Variants in ARNT2 observed in about 807,000 individuals in gnomAD.
The protein encoded by ARNT2 is ARNT protein 2.
In ARNT2, 36 loss-of-function variants were observed where a neutral mutation model predicts 91.7. That is an observed-to-expected ratio of 0.39 (90% CI 0.30 to 0.52). The LOEUF is 0.52. ARNT2 is among the 20% of genes least tolerant of loss of function. ARNT2 has a pLI of 0.72. For missense variants in ARNT2, 775 were observed against 939.3 expected (o/e 0.83, Z 2.29); for synonymous variants, 365 against 347.1 (o/e 1.05, Z -0.57).
At chr15:80,512,523 A>G (rs923200088) in intron 6 of ARNT2, among the ~76,000 whole-genome samples, 13 of 152,240 alleles carry the variant, frequency 8.5e-5, no homozygotes, top group African/African-American at 3.1e-4. Context: ...CAAGCTGGGC[A>G]GTGGGATCCA....
chr15:80,590,512 G>C (rs1160462880), intron 17 of ARNT2, among the ~76,000 whole-genome samples: 1 of 152,226 alleles, frequency 6.6e-6, no homozygotes, highest in Non-Finnish European at 1.5e-5. Context: ...CCAGAGCAGG[G>C]GGACTGCATG....
intron 2 of ARNT2, among the ~76,000 whole-genome samples, chr15:80,456,204 TG>T (rs1595970786): frequency 2.0e-5 from 3 of 152,210 alleles, no homozygotes; most frequent in Admixed American, 2.0e-4. Context: ...GCCCGGTGCC[TG>T]GTTTCCCAAA....
intron 8 of ARNT2, among the ~76,000 whole-genome samples, chr15:80,530,432 C>T (rs1359000407): frequency 6.6e-6 from 1 of 152,174 alleles, no homozygotes; most frequent in African/African-American, 2.4e-5. Context: ...CTGTGCTGAT[C>T]TCAGCCATGG....
chr15:80,515,254 A>T (rs1354938284), intron 8 of ARNT2, among the ~76,000 whole-genome samples: 1 of 152,216 alleles, frequency 6.6e-6, no homozygotes, highest in Non-Finnish European at 1.5e-5. Context: ...AGCAATTTTC[A>T]CTCCTAAATA....
rs1596030027 is a variant in ARNT2, at chr15:80,593,886, A to T, written c.*188A>T. The T allele has an allele frequency of 1.7e-6, 1 of 587,744 alleles. No homozygotes were observed. Among genetic ancestry groups the T allele is most frequent in the African/African-American group, 1.9e-5 (1 of 53,708 alleles). The allele number at this position is 587,744 out of a possible 1,614,324, so 36.4% of individuals were successfully genotyped here. On this transcript the variant is annotated 3_prime_UTR_variant, in exon 19 of 19. Transcript: ENST00000303329. The stretch of plus-strand genomic sequence containing the variant: ...CCCCTGCAGCCGCGGCTGCTCGGCC[A>T]CTGACCAGGGGCCCTGGCAGACATT...
chr15:80,522,830 A>ATATG (rs1897575123), intron 8 of ARNT2, among the ~76,000 whole-genome samples: 1 of 149,336 alleles, frequency 6.7e-6, no homozygotes, highest in Non-Finnish European at 1.5e-5. Flanking sequence ...GTATATATAT[A>ATATG]TATATACACA....
chr15:80,439,496 T>C (rs1045091983), intron 1 of ARNT2, among the ~76,000 whole-genome samples: 3 of 152,352 alleles, frequency 2.0e-5, no homozygotes, highest in South Asian at 2.1e-4. Context: ...TATGTTTGCA[T>C]ATATGATTCT....
chr15:80,555,383 C>G, intron 11 of ARNT2: 1 of 476,198 alleles, frequency 2.1e-6, no homozygotes, highest in Non-Finnish European at 3.8e-6. Context: ...TTGCAGAGCA[C>G]AGAGGCTGGA....
At chr15:80,493,147 G>T (rs1190121207) in intron 5 of ARNT2, among the ~76,000 whole-genome samples, 1 of 152,196 alleles carries the variant, frequency 6.6e-6, no homozygotes, top group African/African-American at 2.4e-5. Context: ...GAGACAGAGA[G>T]CGGAAAGCAA....
intron 1 of ARNT2, among the ~76,000 whole-genome samples, chr15:80,430,204 G>T (rs994061688): frequency 6.6e-6 from 1 of 152,042 alleles, no homozygotes; most frequent in Non-Finnish European, 1.5e-5. Flanking sequence ...CCTGGGCCAC[G>T]CTCTGTGCTG....
Position 80,586,738 on chromosome 15 carries a change from C to T in ARNT2, c.1919-4830C>T, listed in dbSNP as rs115150713. ...AAAATTAGCCGGGCATGGTGGTGCGCGCTGAGGCAGGAGAATTGCTTGAAC... is the reference window on the plus strand; with the variant it reads ...AAAATTAGCCGGGCATGGTGGTGCGTGCTGAGGCAGGAGAATTGCTTGAAC... On this transcript the variant is annotated intron_variant, in intron 17 of 18. Transcript: ENST00000303329. Among the ~76,000 whole-genome samples, 323 of 150,882 alleles carry T rather than the reference C, an allele frequency of 2.1e-3. 2 individuals are homozygous for T. Among genetic ancestry groups the T allele is most frequent in the African/African-American group, 6.3e-3 (259 of 40,982 alleles).
chr15:80,487,180 G>A (rs1157102687), intron 5 of ARNT2, among the ~76,000 whole-genome samples: 1 of 152,160 alleles, frequency 6.6e-6, no homozygotes, highest in South Asian at 2.1e-4. Context: ...ACCCAGCCCT[G>A]AGCCCGGGCT....
chr15:80,505,170 C>G (rs940027454), intron 5 of ARNT2, among the ~76,000 whole-genome samples: 1 of 152,182 alleles, frequency 6.6e-6, no homozygotes, highest in African/African-American at 2.4e-5. Context: ...CTTGCTCTTT[C>G]ATTTTTTGCA....
chr15:80,455,409 G>A (rs1207601667), intron 2 of ARNT2, among the ~76,000 whole-genome samples: 1 of 152,146 alleles, frequency 6.6e-6, no homozygotes, highest in Non-Finnish European at 1.5e-5. Flanking sequence ...TGGTTCCCAA[G>A]TTCCCGGCGG....
intron 1 of ARNT2, among the ~76,000 whole-genome samples, chr15:80,449,268 T>C (rs755674009): frequency 6.6e-6 from 1 of 152,236 alleles, no homozygotes; most frequent in Non-Finnish European, 1.5e-5. Flanking sequence ...GCTGCTGTTC[T>C]GTGGAACTTA....
intron 12 of ARNT2, among the ~76,000 whole-genome samples, chr15:80,567,378 ATACCTCC>A (rs1473881854): frequency 6.6e-6 from 1 of 152,108 alleles, no homozygotes; most frequent in Admixed American, 6.5e-5. Flanking sequence ...TCCCAGGCTC[ATACCTCC>A]TGTCATGGCC....
intron 1 of ARNT2, among the ~76,000 whole-genome samples, chr15:80,425,579 T>C (rs1282200511): frequency 6.6e-6 from 1 of 152,196 alleles, no homozygotes; most frequent in Non-Finnish European, 1.5e-5. Context: ...GTTTTGTTTT[T>C]ATTTTTTCCA....
rs1596031324 is a variant in ARNT2, at chr15:80,597,269, A to G, written c.*3571A>G. On this transcript the variant is annotated 3_prime_UTR_variant, in exon 19 of 19. Transcript: ENST00000303329. ...AAGCTATGCGAGAATGTGAACGCTC[A>G]CCTTGCTCCGTCACGGTTCTGACCT... is the stretch of plus-strand genomic sequence containing the variant. 1.9e-6 allele frequency: 1 copy of G among 518,360 alleles called. No individual in the cohort carries two copies. Among genetic ancestry groups the G allele is most frequent in the East Asian group, 5.4e-5 (1 of 18,362 alleles). 32.1% of individuals were successfully genotyped at this position (518,360 alleles called of 1,614,324 possible).
chr15:80,548,266 A>T (rs1302978270), intron 8 of ARNT2, among the ~76,000 whole-genome samples: 1 of 152,176 alleles, frequency 6.6e-6, no homozygotes, highest in Non-Finnish European at 1.5e-5. Flanking sequence ...ACAATAATTG[A>T]GGGATAATTA....
Sources: allele counts gnomAD v4.1 joint callset (sites outside exome capture counted in the v4.1 genomes callset), GRCh38; gene constraint gnomAD v4.1.1; transcripts MANE v1.5; gene names NCBI Gene and HGNC (gene_info 2026-07-23, HGNC 2026-07-21).